The following FMN2 variants were observed in gnomAD, a reference collection of about 807,000 sequenced individuals.
The protein encoded by FMN2 is formin-2.
FMN2 carries 51 observed loss-of-function variants against 142.3 expected under a neutral mutation model. The ratio of observed to expected loss-of-function variants is 0.36; its 90% CI spans 0.29 to 0.45. FMN2 has a LOEUF of 0.45. Among genes scored for constraint, FMN2 ranks in the 20% least tolerant of loss-of-function variants. The pLI is 1.00. For synonymous variants in FMN2, 882 were observed against 869.8 expected (o/e 1.01, Z -0.25); for missense variants, 1,936 against 2,122.8 (o/e 0.91, Z 1.73).
rs562230377 is a variant in FMN2 at position 240,092,551 on chromosome 1, G to T, written c.442G>T (p.Gly148Trp). 1.6e-5 allele frequency: 25 copies of T among 1,612,732 alleles called. No homozygotes were observed. In the South Asian group the frequency reaches 2.5e-4, roughly 16 times the overall value. The change falls in exon 1 of 18, where the codon GGG (glycine) becomes TGG (tryptophan). Residue 148 changes from glycine to tryptophan, a missense_variant. Gly to Trp is a radical substitution (Grantham distance 184). Transcript: ENST00000319653. ...TGAGGTGACCGGTCCAGGGGGTCCT[G>T]GGCCTGCCGAGGCTAGGGTCGGGGG... The part of the protein sequence containing the change: ...PFEVTGPGGP[G>W]PAEARVGGRP...
At chr1:240,369,831 A>C (rs563921204) in intron 14 of FMN2, among the ~76,000 whole-genome samples, 150 of 152,260 alleles carry the variant, frequency 9.9e-4, no homozygotes, top group African/African-American at 3.4e-3. Flanking sequence ...CTACCAACCC[A>C]AACTATTTTA....
At chr1:240,455,022 T>C (rs1252878922) in intron 16 of FMN2, among the ~76,000 whole-genome samples, 3 of 141,458 alleles carry the variant, frequency 2.1e-5, no homozygotes, top group Non-Finnish European at 4.7e-5. Context: ...TTAAAAGCTC[T>C]CTACTTTATT....
At chr1:240,297,359 G>T (rs185802987) in intron 8 of FMN2, among the ~76,000 whole-genome samples, 460 of 152,094 alleles carry the variant, frequency 3.0e-3, no homozygotes, top group Admixed American at 6.3e-3. Context: ...ACTTTGGGAG[G>T]CCAAGGCGGG....
intron 2 of FMN2, among the ~76,000 whole-genome samples, chr1:240,176,031 G>A (rs557595606): frequency 6.6e-6 from 1 of 152,146 alleles, no homozygotes; most frequent in African/African-American, 2.4e-5. Context: ...GTCCTTTGAT[G>A]CACGGAAGTT....
In FMN2 at chr1:240,092,881, G is replaced by T. The variant is rs1261193565; in HGVS notation, c.772G>T (p.Gly258Cys). ...GGACCGGTTCCTGCTGGGGCCGAGC[G>T]GCGGGGCTGGGGAGGCCCCGGGCAG... ...GLDRFLLGPS[G>C]GAGEAPGSPD... Residue 258 changes from glycine to cysteine, a missense_variant, in exon 1 of 18, where the codon GGC (glycine) becomes TGC (cysteine). Gly to Cys is a radical substitution (Grantham distance 159). Coordinates refer to ENST00000319653, the MANE Select transcript of FMN2 (RefSeq NM_020066.5). The T allele has an allele frequency of 5.9e-6, 9 of 1,523,288 alleles. No homozygotes were observed. The highest frequency in any genetic ancestry group is 7.9e-6 in the Non-Finnish European group (9 of 1,141,008). The allele number at this position is 1,523,288 out of a possible 1,614,324, so 94.4% of individuals were successfully genotyped here.
intron 6 of FMN2, among the ~76,000 whole-genome samples, chr1:240,249,223 T>C (rs1374620829): frequency 1.3e-5 from 2 of 152,180 alleles, no homozygotes; most frequent in African/African-American, 2.4e-5. Flanking sequence ...AGTAGATTTA[T>C]AGTTTCGAGT....
chr1:240,275,144 G>A (rs12035274), intron 7 of FMN2, among the ~76,000 whole-genome samples: 78,097 of 149,852 alleles, frequency 0.52, 20,602 homozygotes, highest in East Asian at 0.71. Context: ...GAACGTGCAG[G>A]TTTGTTACAT....
chr1:240,408,954 G>A (rs1208318762), intron 15 of FMN2, among the ~76,000 whole-genome samples: 1 of 152,120 alleles, frequency 6.6e-6, no homozygotes, highest in Non-Finnish European at 1.5e-5. Context: ...CAAAACTCGT[G>A]CAGCTTAGCC....
chr1:240,312,586 T>C (rs974579141), intron 8 of FMN2, among the ~76,000 whole-genome samples: 1 of 152,214 alleles, frequency 6.6e-6, no homozygotes, highest in African/African-American at 2.4e-5. Context: ...TTTATGGCAG[T>C]TAGAACGCTA....
chr1:240,355,981 A>AAAAAAAAAAAAC (rs1672257080), intron 14 of FMN2, 73 bp downstream of exon 14: 1 of 748,752 alleles, frequency 1.3e-6, no homozygotes, highest in African/African-American at 2.2e-5. Flanking sequence ...AAAAAAAAAA[A>AAAAAAAAAAAAC]AAAAAGCTAC....
At chr1:240,183,186 G>A (rs1322943392) in intron 3 of FMN2, among the ~76,000 whole-genome samples, 2 of 151,472 alleles carry the variant, frequency 1.3e-5, no homozygotes, top group Non-Finnish European at 1.5e-5. Flanking sequence ...CAAAGTGCTG[G>A]GATTACAGAC....
intron 7 of FMN2, among the ~76,000 whole-genome samples, chr1:240,280,161 C>T (rs946628892): frequency 6.6e-6 from 1 of 151,906 alleles, no homozygotes; most frequent in Non-Finnish European, 1.5e-5. Context: ...AGTTCTTCCC[C>T]CTACCTCAGC....
intron 7 of FMN2, among the ~76,000 whole-genome samples, chr1:240,269,842 T>C (rs775915559): frequency 1.2e-4 from 18 of 152,022 alleles, no homozygotes; most frequent in Non-Finnish European, 2.6e-4. Flanking sequence ...CAGACTGTTG[T>C]TAGTGTATAG....
chr1:240,209,027 A>G (rs1010396532), intron 5 of FMN2, among the ~76,000 whole-genome samples: 1 of 152,128 alleles, frequency 6.6e-6, no homozygotes, highest in Non-Finnish European at 1.5e-5. Context: ...TATTTTTCTT[A>G]AAATACATGC....
At chr1:240,455,489 G>A (rs146686650) in intron 16 of FMN2, among the ~76,000 whole-genome samples, 9 of 152,118 alleles carry the variant, frequency 5.9e-5, no homozygotes, top group Non-Finnish European at 1.3e-4. Context: ...AAGTCCCAAC[G>A]CAGTGACTAG....
At chr1:240,324,632 GC>G (rs1399904651) in intron 8 of FMN2, among the ~76,000 whole-genome samples, 1 of 143,786 alleles carries the variant, frequency 7.0e-6, no homozygotes, top group Admixed American at 7.0e-5. Context: ...CTGCACTACA[GC>G]CCGGGCAACA....
At chr1:240,303,111 C>A (rs540853827) in intron 8 of FMN2, among the ~76,000 whole-genome samples, 13 of 151,794 alleles carry the variant, frequency 8.6e-5, no homozygotes, top group Non-Finnish European at 1.6e-4. Context: ...AGTAACTGAG[C>A]CTTTTGTACC....
Position 240,430,745 on chromosome 1 carries a change from C to T in FMN2, c.4911-7316C>T, listed in dbSNP as rs577848437. On this transcript the variant is annotated intron_variant, in intron 15 of 17. Transcript: ENST00000319653. ...AAAAAAAAAAAAACTTTCCTACCCC[C>T]GCATTGAATTGGCTCGCCACCTTTT... Among the ~76,000 whole-genome samples, 233 of 151,204 alleles carry T rather than the reference C, an allele frequency of 1.5e-3. 1 individual carries two copies. Among genetic ancestry groups the T allele is most frequent in the African/African-American group, 4.8e-3 (199 of 41,208 alleles).
chr1:240,384,182 A>G (rs1361545773), intron 14 of FMN2, among the ~76,000 whole-genome samples: 3 of 152,068 alleles, frequency 2.0e-5, no homozygotes, highest in Non-Finnish European at 2.9e-5. Flanking sequence ...GGGTCAAAAA[A>G]CTACCTATTG....
Sources: gnomAD v4.1 joint callset for allele counts (sites outside exome capture counted in the v4.1 genomes callset) on GRCh38, gnomAD v4.1.1 for gene constraint, MANE v1.5 for transcripts, NCBI Gene and HGNC (gene_info 2026-07-23, HGNC 2026-07-21) for gene names.